GRID1: variants seen among roughly 807,000 people sequenced by gnomAD.
The protein encoded by GRID1 is glutamate ionotropic receptor delta type subunit 1.
A neutral mutation model predicts 98.0 loss-of-function variants in GRID1; 28 were observed. The observed-to-expected ratio is 0.29, with a 90% CI of 0.21 to 0.39. The LOEUF (loss-of-function observed/expected upper bound fraction) is 0.39. Ranked by LOEUF, GRID1 falls within the 10% of genes least tolerant of loss-of-function variation. GRID1 has a pLI of 1.00. For synonymous variants in GRID1, 553 were observed against 538.5 expected (o/e 1.03, Z -0.37); for missense variants, 1,111 against 1,340.5 (o/e 0.83, Z 2.67).
intron 2 of GRID1, among the ~76,000 whole-genome samples, chr10:86,354,447 C>T (rs1848506676): frequency 6.6e-6 from 1 of 152,192 alleles, no homozygotes; most frequent in African/African-American, 2.4e-5. Context: ...GGAGAATGAG[C>T]CCCAAGGCGC....
At chr10:85,615,658 A>G (rs775144325) in intron 14 of GRID1, among the ~76,000 whole-genome samples, 5 of 152,236 alleles carry the variant, frequency 3.3e-5, no homozygotes, top group Non-Finnish European at 5.9e-5. Flanking sequence ...TTGCCCCAGA[A>G]CACTACAGAC....
At chr10:85,977,966 C>T (rs976522753) in intron 4 of GRID1, among the ~76,000 whole-genome samples, 1 of 152,140 alleles carries the variant, frequency 6.6e-6, no homozygotes, top group African/African-American at 2.4e-5. Flanking sequence ...CACTCCAGGG[C>T]CCACATGAGA....
chr10:86,308,253 C>T (rs1312413241), intron 2 of GRID1, among the ~76,000 whole-genome samples: 2 of 152,194 alleles, frequency 1.3e-5, no homozygotes, highest in African/African-American at 2.4e-5. Context: ...AAACTGAGCC[C>T]ACCTCTGAGT....
chr10:86,010,165 T>C (rs1842908304), intron 4 of GRID1, among the ~76,000 whole-genome samples: 1 of 152,228 alleles, frequency 6.6e-6, no homozygotes, highest in Non-Finnish European at 1.5e-5. Context: ...TCTTATGCAA[T>C]TGACAACAGT....
intron 5 of GRID1, among the ~76,000 whole-genome samples, chr10:85,883,490 CTG>C (rs1443671760): frequency 9.3e-5 from 14 of 150,588 alleles, no homozygotes; most frequent in African/African-American, 3.2e-4. Context: ...CCTTCTCTCT[CTG>C]TCTCTCTCTC....
At chr10:85,664,996 C>A (rs191439506) in intron 12 of GRID1, among the ~76,000 whole-genome samples, 17 of 152,210 alleles carry the variant, frequency 1.1e-4, no homozygotes, top group African/African-American at 4.1e-4. Flanking sequence ...TATATATTCA[C>A]ACACAGATTA....
intron 4 of GRID1, among the ~76,000 whole-genome samples, chr10:86,050,931 G>C (rs1339527500): frequency 2.0e-5 from 3 of 149,288 alleles, no homozygotes; most frequent in Non-Finnish European, 4.4e-5. Context: ...GAGGTGCACA[G>C]AGACCTAATC....
At chr10:85,795,440 C>G (rs543358670) in intron 8 of GRID1, among the ~76,000 whole-genome samples, 1 of 152,306 alleles carries the variant, frequency 6.6e-6, no homozygotes, top group South Asian at 2.1e-4. Flanking sequence ...CCACAGTCAT[C>G]AAAGGCTCTC....
At chr10:85,861,342 A>G (rs955180992) in intron 6 of GRID1, among the ~76,000 whole-genome samples, 2 of 152,166 alleles carry the variant, frequency 1.3e-5, no homozygotes, top group Non-Finnish European at 2.9e-5. Context: ...ACCCGTGTAC[A>G]TGTCCCTGGC....
At chr10:86,358,631 G>T (rs1025722599) in intron 2 of GRID1, among the ~76,000 whole-genome samples, 2 of 151,816 alleles carry the variant, frequency 1.3e-5, no homozygotes, top group Non-Finnish European at 2.9e-5. Flanking sequence ...GGTGGCGGGC[G>T]CCTGTAGTCC....
chr10:86,216,963 A>G (rs759098160), intron 2 of GRID1, among the ~76,000 whole-genome samples: 6 of 152,136 alleles, frequency 3.9e-5, no homozygotes, highest in Non-Finnish European at 8.8e-5. Context: ...AAAGGCTGAA[A>G]AAGAGGATAA....
At chr10:86,074,571 T>C (rs1368360781) in intron 4 of GRID1, among the ~76,000 whole-genome samples, 2 of 152,258 alleles carry the variant, frequency 1.3e-5, no homozygotes, top group East Asian at 1.9e-4. Flanking sequence ...CCACTGAGTA[T>C]ACCACATTTT....
chr10:85,992,661 A>G (rs1479421307), intron 4 of GRID1, among the ~76,000 whole-genome samples: 1 of 152,126 alleles, frequency 6.6e-6, no homozygotes, highest in African/African-American at 2.4e-5. Context: ...AGAAAGAACT[A>G]GAAAGAGGCC....
chr10:85,884,100 G>C (rs764369846), intron 5 of GRID1, among the ~76,000 whole-genome samples: 2 of 152,140 alleles, frequency 1.3e-5, no homozygotes, highest in African/African-American at 2.4e-5. Context: ...CTCACATATT[G>C]CTGGGAGTTC....
intron 5 of GRID1, among the ~76,000 whole-genome samples, chr10:85,905,975 A>T (rs536066894): frequency 1.3e-5 from 2 of 152,248 alleles, no homozygotes; most frequent in Admixed American, 1.3e-4. Flanking sequence ...AATGGATAAA[A>T]TAGCAAGACC....
chr10:85,753,376 A>T (rs1842066332), intron 8 of GRID1, among the ~76,000 whole-genome samples: 1 of 152,236 alleles, frequency 6.6e-6, no homozygotes, highest in African/African-American at 2.4e-5. Flanking sequence ...AGGCAAGGCC[A>T]GGACCAAGGC....
At chr10:85,741,271 T>C (rs746296216) in intron 8 of GRID1, among the ~76,000 whole-genome samples, 9 of 152,196 alleles carry the variant, frequency 5.9e-5, no homozygotes, top group Non-Finnish European at 1.3e-4. Context: ...CTTAGAGTGG[T>C]TGAAAGTTCC....
chr10:85,867,488 C>A (rs1843233241), intron 6 of GRID1, among the ~76,000 whole-genome samples: 1 of 152,150 alleles, frequency 6.6e-6, no homozygotes, highest in Non-Finnish European at 1.5e-5. Context: ...GGAATGGGCA[C>A]ACACTCCCTG....
intron 8 of GRID1, among the ~76,000 whole-genome samples, chr10:85,853,414 G>C (rs566537452): frequency 6.6e-6 from 1 of 152,326 alleles, no homozygotes; most frequent in African/African-American, 2.4e-5. Context: ...ATCATTAGTA[G>C]AGACATCTTC....
Sources: allele counts gnomAD v4.1 joint callset (sites outside exome capture counted in the v4.1 genomes callset), GRCh38; gene constraint gnomAD v4.1.1; transcripts MANE v1.5; gene names NCBI Gene and HGNC (gene_info 2026-07-23, HGNC 2026-07-21).